The following SPIRE1 variants were observed in gnomAD, a reference collection of about 807,000 sequenced individuals.
The protein encoded by SPIRE1 is protein spire homolog 1.
Under a neutral mutation model 94.1 loss-of-function variants are expected in SPIRE1, and 40 were observed. The observed-to-expected ratio is 0.43, with a 90% CI of 0.33 to 0.55. The LOEUF is 0.55. Among genes scored for constraint, SPIRE1 ranks in the 20% least tolerant of loss-of-function variants. The pLI, the probability that SPIRE1 is intolerant of heterozygous loss-of-function variation, is 0.06. For missense variants in SPIRE1, 838 were observed against 975.2 expected (o/e 0.86, Z 1.87); for synonymous variants, 376 against 371.7 (o/e 1.01, Z -0.13).
At chr18:12,560,224 C>T (rs2144387998) in intron 2 of SPIRE1, among the ~76,000 whole-genome samples, 1 of 152,254 alleles carries the variant, frequency 6.6e-6, no homozygotes, top group South Asian at 2.1e-4. Context: ...CCAGCAATCC[C>T]CCTCCTAGTT....
chr18:12,650,711 GA>G (rs56170775), intron 1 of SPIRE1, among the ~76,000 whole-genome samples: 82,962 of 116,614 alleles, frequency 0.71, 28,894 homozygotes, highest in African/African-American at 0.78. Context: ...TCCATCTCAG[GA>G]AAAAAAAAAA....
At chr18:12,651,238 A>C (rs1196947712) in intron 1 of SPIRE1, among the ~76,000 whole-genome samples, 3 of 152,190 alleles carry the variant, frequency 2.0e-5, no homozygotes, top group Non-Finnish European at 2.9e-5. Flanking sequence ...GTAACTGATA[A>C]GGCATTTCAC....
chr18:12,482,263 C>A (rs1458022551), intron 9 of SPIRE1, among the ~76,000 whole-genome samples: 1 of 152,180 alleles, frequency 6.6e-6, no homozygotes, highest in African/African-American at 2.4e-5. Context: ...CTGCCTCAGC[C>A]TCCAGAGTAG....
At chr18:12,529,506 T>C (rs1020310004) in intron 4 of SPIRE1, among the ~76,000 whole-genome samples, 3 of 152,080 alleles carry the variant, frequency 2.0e-5, no homozygotes, top group Admixed American at 6.6e-5. Flanking sequence ...ACAACACTTA[T>C]AAGAAGCGTT....
Position 12,504,061 on chromosome 18 carries a change from T to C in SPIRE1, c.972+2416A>G, listed in dbSNP as rs950175171. Among the ~76,000 whole-genome samples the C allele has an allele frequency of 5.4e-5, 8 of 147,700 alleles. No homozygotes were observed. In the East Asian group the frequency reaches 1.3e-3, roughly 25 times the overall value. ...TAACCAGCTGTCTGAACTTGGGAAG[T>C]TACTACTGAGCATCTTTAAATTTCA... On this transcript the variant is annotated intron_variant, in intron 6 of 16. Transcript: ENST00000409402.
intron 12 of SPIRE1, among the ~76,000 whole-genome samples, chr18:12,461,482 ATATG>A (rs1486718139): frequency 2.3e-4 from 13 of 55,746 alleles, no homozygotes; most frequent in African/African-American, 5.1e-4. Flanking sequence ...ACGTACATAC[ATATG>A]TGTGTATGCA....
chr18:12,610,182 G>A (rs1168984380), intron 2 of SPIRE1, among the ~76,000 whole-genome samples: 2 of 151,948 alleles, frequency 1.3e-5, no homozygotes, highest in South Asian at 2.1e-4. Context: ...CTAGTTGCCG[G>A]TTTACTGTCA....
intron 2 of SPIRE1, among the ~76,000 whole-genome samples, chr18:12,579,126 C>G (rs1050236858): frequency 1.3e-5 from 2 of 150,884 alleles, no homozygotes; most frequent in Admixed American, 6.6e-5. Flanking sequence ...CCATCAAAGA[C>G]AATCAAATCT....
At chr18:12,581,732 C>A (rs1468628582) in intron 2 of SPIRE1, among the ~76,000 whole-genome samples, 1 of 152,056 alleles carries the variant, frequency 6.6e-6, no homozygotes, top group African/African-American at 2.4e-5. Flanking sequence ...GGCATGGTGG[C>A]ACACACCTGT....
chr18:12,627,443 T>C (rs1394048087), intron 2 of SPIRE1, among the ~76,000 whole-genome samples: 1 of 152,212 alleles, frequency 6.6e-6, no homozygotes, highest in African/African-American at 2.4e-5. Flanking sequence ...TGCCACGTTT[T>C]CTTAATCCAG....
intron 2 of SPIRE1, among the ~76,000 whole-genome samples, chr18:12,555,009 T>C (rs2035459510): frequency 6.6e-6 from 1 of 152,194 alleles, no homozygotes; most frequent in South Asian, 2.1e-4. Context: ...CCATCATGAT[T>C]GCCTAACCGA....
rs532317422 is a variant in SPIRE1, at chr18:12,447,750, G to A, written c.*1888C>T. ...TGAATGAAAGTCTTATTTTGGGGGT[G>A]TAGTTTCTTATGTTTTAATAAAAAC... On this transcript the variant is annotated 3_prime_UTR_variant, in exon 17 of 17. Coordinates refer to ENST00000409402, the MANE Select transcript of SPIRE1 (RefSeq NM_001128626.2). 5.9e-5 allele frequency: 9 copies of A among 152,322 alleles called. No homozygotes were observed. Among genetic ancestry groups the A allele is most frequent in the Non-Finnish European group, 1.3e-4 (9 of 68,018 alleles). 9.4% of individuals were successfully genotyped at this position (152,322 alleles called of 1,614,324 possible).
At chr18:12,573,660 T>C (rs779810198) in intron 2 of SPIRE1, among the ~76,000 whole-genome samples, 2 of 152,216 alleles carry the variant, frequency 1.3e-5, no homozygotes, top group Non-Finnish European at 2.9e-5. Flanking sequence ...ATGATGGACA[T>C]GTGTCATCAT....
intron 10 of SPIRE1, among the ~76,000 whole-genome samples, chr18:12,467,694 G>C (rs1004762314): frequency 2.0e-5 from 3 of 152,212 alleles, no homozygotes; most frequent in African/African-American, 7.2e-5. Flanking sequence ...GTTCACGCCT[G>C]TAATCCCAGC....
intron 2 of SPIRE1, among the ~76,000 whole-genome samples, chr18:12,551,706 A>AC (rs1039409004): frequency 6.6e-6 from 1 of 151,958 alleles, no homozygotes; most frequent in African/African-American, 2.4e-5. Flanking sequence ...CGTCTCAGAA[A>AC]AAAAAAAAAA....
At position 12,496,341 on chromosome 18, in the gene SPIRE1, T is replaced by C. The variant is rs527591642; in HGVS notation, c.973-239A>G. Among the ~76,000 whole-genome samples, 83 of 152,354 alleles carry C rather than the reference T, an allele frequency of 5.4e-4. 1 individual carries two copies. Among genetic ancestry groups the C allele is most frequent in the African/African-American group, 2.0e-3 (83 of 41,584 alleles). ...CTTTGTGAAATTTCAACAAAAAGTT[T>C]CTAAAATTATGAATGTAAATGGAAT... On this transcript the variant is annotated intron_variant, in intron 6 of 16. Coordinates refer to ENST00000409402, the MANE Select transcript of SPIRE1 (RefSeq NM_001128626.2).
At chr18:12,590,513 A>C (rs1349764776) in intron 2 of SPIRE1, among the ~76,000 whole-genome samples, 1 of 152,240 alleles carries the variant, frequency 6.6e-6, no homozygotes, top group African/African-American at 2.4e-5. Flanking sequence ...CAAAGGAAAA[A>C]AACAAAAAGA....
chr18:12,582,317 A>G (rs2036277248), intron 2 of SPIRE1, among the ~76,000 whole-genome samples: 1 of 152,180 alleles, frequency 6.6e-6, no homozygotes, highest in Non-Finnish European at 1.5e-5. Flanking sequence ...AGAGCAGATG[A>G]AAAAAAGTAG....
Position 12,448,627 on chromosome 18 carries a change from C to G in SPIRE1, c.*1011G>C. 1 of 152,186 alleles carries G rather than the reference C, an allele frequency of 6.6e-6. No individual in the cohort carries two copies. Among genetic ancestry groups the G allele is most frequent in the East Asian group, 1.9e-4 (1 of 5,188 alleles). The allele number at this position is 152,186 out of a possible 1,614,324, so 9.4% of individuals were successfully genotyped here. A position where few individuals can be genotyped will look rare whatever the true frequency, so the allele number is the denominator to read the frequency against. On this transcript the variant is annotated 3_prime_UTR_variant, in exon 17 of 17. Coordinates refer to ENST00000409402, the MANE Select transcript of SPIRE1 (RefSeq NM_001128626.2). The surrounding 1 kb of genome is among the most constrained non-coding windows in gnomAD (Gnocchi z 4.4). ...ACTTTAAAAGAAGTAGATATTTTTTCTTTTAAAATTCATTTATAAAAATAA... is the reference window on the plus strand; with the variant it reads ...ACTTTAAAAGAAGTAGATATTTTTTGTTTTAAAATTCATTTATAAAAATAA...
Sources: gnomAD v4.1 joint callset for allele counts (sites outside exome capture counted in the v4.1 genomes callset) on GRCh38, gnomAD v4.1.1 for gene constraint, Gnocchi (gnomAD v3.1) non-coding constraint, MANE v1.5 for transcripts, NCBI Gene and HGNC (gene_info 2026-07-23, HGNC 2026-07-21) for gene names.